The following ARSK variants were observed in gnomAD, a reference collection of about 807,000 sequenced individuals.
ARSK encodes the protein arylsulfatase K.
Under a neutral mutation model 53.2 loss-of-function variants are expected in ARSK, and 37 were observed. That is an observed-to-expected ratio of 0.70 (90% CI 0.54 to 0.92). ARSK has a LOEUF of 0.92. Ranked by LOEUF, ARSK falls within the 40% of genes least tolerant of loss-of-function variation. The pLI, the probability that ARSK is intolerant of heterozygous loss-of-function variation, is 0.00. For synonymous variants in ARSK, 208 were observed against 223.2 expected (o/e 0.93, Z 0.61); for missense variants, 613 against 643.0 (o/e 0.95, Z 0.51).
intron 1 of ARSK, among the ~76,000 whole-genome samples, chr5:95,561,223 A>AC (rs1317425233): frequency 6.6e-6 from 1 of 152,256 alleles, no homozygotes; most frequent in African/African-American, 2.4e-5. Context: ...CCACAGTGAG[A>AC]CACCAGTTAT....
chr5:95,574,851 T>C (rs1435253870), intron 3 of ARSK, among the ~76,000 whole-genome samples: 8 of 152,132 alleles, frequency 5.3e-5, no homozygotes, highest in Non-Finnish European at 8.8e-5. Flanking sequence ...TAACTTGATG[T>C]GATCCCATTT....
intron 6 of ARSK, among the ~76,000 whole-genome samples, chr5:95,596,446 A>G (rs1749309443): frequency 6.6e-6 from 1 of 152,192 alleles, no homozygotes; most frequent in Non-Finnish European, 1.5e-5. Flanking sequence ...GAAAAATGAT[A>G]TAAAGAGAAA....
rs1340192416 is a variant in ARSK, at chr5:95,604,761, GTA to G, written c.*1237_*1238del. Reference sequence around the variant, plus strand: ...TGAGTAACGTAGAGCATATTTTCATGTATTTAACAGCCACTGGAATCTGCTTT... The same window carrying G: ...TGAGTAACGTAGAGCATATTTTCATGTTTAACAGCCACTGGAATCTGCTTT... On this transcript the variant is annotated 3_prime_UTR_variant, in exon 8 of 8. Coordinates refer to ENST00000380009, the MANE Select transcript of ARSK (RefSeq NM_198150.3). 6.6e-6 allele frequency: 1 copy of G among 152,052 alleles called. No individual in the cohort carries two copies. Among genetic ancestry groups the G allele is most frequent in the Non-Finnish European group, 1.5e-5 (1 of 67,996 alleles). The allele number at this position is 152,052 out of a possible 1,614,324, so 9.4% of individuals were successfully genotyped here. A position where few individuals can be genotyped will look rare whatever the true frequency, so the allele number is the denominator to read the frequency against.
At chr5:95,563,780 G>T (rs1021576621) in intron 1 of ARSK, among the ~76,000 whole-genome samples, 3 of 152,070 alleles carry the variant, frequency 2.0e-5, no homozygotes, top group Non-Finnish European at 4.4e-5. Flanking sequence ...TCTACCTTGT[G>T]ACCTTCTGCT....
intron 3 of ARSK, among the ~76,000 whole-genome samples, chr5:95,574,614 A>G (rs1307479180): frequency 1.3e-5 from 2 of 152,142 alleles, no homozygotes; most frequent in East Asian, 3.8e-4. Flanking sequence ...ATCTTTTCAT[A>G]TATCTATTTG....
chr5:95,573,146 A>C (rs1456144685), intron 3 of ARSK, among the ~76,000 whole-genome samples: 2 of 152,196 alleles, frequency 1.3e-5, no homozygotes, highest in Admixed American at 1.3e-4. Context: ...GGAATGTCAC[A>C]CTTAAAATAA....
Position 95,601,001 on chromosome 5 carries a change from C to T in ARSK, c.1251C>T (p.Tyr417=), listed in dbSNP as rs749379584. The T allele has an allele frequency of 6.2e-7, 1 of 1,614,106 alleles. No homozygotes were observed. Among genetic ancestry groups the T allele is most frequent in the Non-Finnish European group, 8.5e-7 (1 of 1,179,962 alleles). The change falls in exon 7 of 8, where the codon TAC becomes TAT. Residue 417 remains tyrosine (Y), a synonymous_variant. Coordinates refer to ENST00000380009, the MANE Select transcript of ARSK (RefSeq NM_198150.3). ...FHGCNVNAST[Y]MLRTNHWKYI... Reference sequence around the variant, plus strand: ...GATGTAATGTGAATGCCTCCACCTACATGCTTCGAACTAACCACTGGAAAT... The same window carrying T: ...GATGTAATGTGAATGCCTCCACCTATATGCTTCGAACTAACCACTGGAAAT...
intron 6 of ARSK, among the ~76,000 whole-genome samples, chr5:95,591,883 C>T (rs916413130): frequency 2.6e-5 from 4 of 152,180 alleles, no homozygotes; most frequent in African/African-American, 9.7e-5. Context: ...TAAAGTAAGC[C>T]ATGTAAGATA....
chr5:95,585,351 G>A (rs1166828767), intron 4 of ARSK, among the ~76,000 whole-genome samples: 16 of 152,186 alleles, frequency 1.1e-4, no homozygotes, highest in Middle Eastern at 3.4e-3. Flanking sequence ...GTCATTATAC[G>A]AAAAAGATAC....
chr5:95,592,248 G>A lies in ARSK; in HGVS notation c.1096+623G>A, dbSNP rs939002541. Reference sequence around the variant, plus strand: ...TAAATTCATTAGCATTTAAACACTAGTTTCTCTGTTCTAAGGCACCATCAA... The same window carrying A: ...TAAATTCATTAGCATTTAAACACTAATTTCTCTGTTCTAAGGCACCATCAA... On this transcript the variant is annotated intron_variant, in intron 6 of 7. Transcript: ENST00000380009. Among the ~76,000 whole-genome samples, 13 of 152,124 alleles carry A rather than the reference G, an allele frequency of 8.5e-5. 1 individual carries two copies. The highest frequency in any genetic ancestry group is 2.9e-4 in the African/African-American group (12 of 41,516).
chr5:95,580,419 G>A (rs1004553296), intron 3 of ARSK, among the ~76,000 whole-genome samples: 17 of 152,210 alleles, frequency 1.1e-4, no homozygotes, highest in Non-Finnish European at 4.4e-5. Flanking sequence ...AGTTTAGCCT[G>A]ATTAAGAGAC....
At chr5:95,591,899 G>T (rs1580229288) in intron 6 of ARSK, among the ~76,000 whole-genome samples, 1 of 152,210 alleles carries the variant, frequency 6.6e-6, no homozygotes, top group South Asian at 2.1e-4. Context: ...AGATATTCGG[G>T]TTCATAACCT....
chr5:95,600,604 G>C, intron 6 of ARSK: 1 of 646,508 alleles, frequency 1.5e-6, no homozygotes, highest in Non-Finnish European at 2.9e-6. Flanking sequence ...TACAAGTACT[G>C]TGGTCATCCC....
At chr5:95,566,529 C>T (rs1047261442) in intron 2 of ARSK, among the ~76,000 whole-genome samples, 6 of 152,132 alleles carry the variant, frequency 3.9e-5, no homozygotes, top group Non-Finnish European at 8.8e-5. Context: ...GTAGTTACAA[C>T]TTATATTCAG....
intron 4 of ARSK, 133 bp downstream of exon 4, chr5:95,583,331 A>G: frequency 1.3e-6 from 1 of 765,350 alleles, no homozygotes; most frequent in African/African-American, 1.8e-5. Flanking sequence ...ACCAATAACT[A>G]GTATGATAAA....
rs1561372030 is a variant in ARSK at position 95,604,328 on chromosome 5, A to G, written c.*802A>G. The G allele has an allele frequency of 6.6e-6, 1 of 152,196 alleles. No homozygotes were observed. Among genetic ancestry groups the G allele is most frequent in the Non-Finnish European group, 1.5e-5 (1 of 68,032 alleles). 9.4% of individuals were successfully genotyped at this position (152,196 alleles called of 1,614,324 possible). On this transcript the variant is annotated 3_prime_UTR_variant, in exon 8 of 8. Coordinates refer to ENST00000380009, the MANE Select transcript of ARSK (RefSeq NM_198150.3). Reference sequence around the variant, plus strand: ...TATATATACAGGGTAAAAGCTTCAAATGGTACAAAAGGGTTAACAGTGATC... The same window carrying G: ...TATATATACAGGGTAAAAGCTTCAAGTGGTACAAAAGGGTTAACAGTGATC...
chr5:95,590,346 A>C (rs893590725), intron 5 of ARSK, among the ~76,000 whole-genome samples: 1 of 152,152 alleles, frequency 6.6e-6, no homozygotes, highest in Admixed American at 6.6e-5. Flanking sequence ...AAGGTCTAGC[A>C]GGTAGCCGAG....
At position 95,555,405 on chromosome 5, in the gene ARSK, G is replaced by C; in HGVS notation, c.126+1G>C. 1 of 1,602,186 alleles carries C rather than the reference G, an allele frequency of 6.2e-7. No individual in the cohort carries two copies. The highest frequency in any genetic ancestry group is 8.5e-7 in the Non-Finnish European group (1 of 1,173,438). On this transcript the variant is annotated splice_donor_variant, in intron 1 of 7. Transcript: ENST00000380009. LOFTEE classifies it high-confidence loss of function. The surrounding 1 kb of genome is among the most constrained non-coding windows in gnomAD (Gnocchi z 4.0). ...GGTGCTGGTCGTGAGCGACTCCTTC[G>C]TAAGTACCGCGAGGCAGGGGAGGGG...
At chr5:95,603,177 A>T in intron 7 of ARSK, 60 bp from the exon 8 acceptor site, 1 of 1,361,612 alleles carries the variant, frequency 7.3e-7, no homozygotes, top group South Asian at 1.6e-5. Context: ...TCATAATGAC[A>T]TTCTAAAAAA....
Sources: allele counts gnomAD v4.1 joint callset (sites outside exome capture counted in the v4.1 genomes callset), GRCh38; gene constraint gnomAD v4.1.1; non-coding constraint Gnocchi (gnomAD v3.1); transcripts MANE v1.5; gene names NCBI Gene and HGNC (gene_info 2026-07-23, HGNC 2026-07-21).